The following C12orf42 variants were observed in gnomAD, a reference collection of about 807,000 sequenced individuals.
C12orf42 encodes the protein chromosome 12 open reading frame 42, also known as uncharacterized protein C12orf42.
C12orf42 carries 25 observed loss-of-function variants against 21.6 expected under a neutral mutation model. The ratio of observed to expected loss-of-function variants is 1.16; its 90% CI spans 0.84 to 1.62. The LOEUF (loss-of-function observed/expected upper bound fraction) is 1.62. Ranked by LOEUF, C12orf42 falls within the 40% of genes most tolerant of loss-of-function variation. C12orf42 has a pLI of 0.00. For synonymous variants in C12orf42, 174 were observed against 175.0 expected (o/e 0.99, Z 0.05); for missense variants, 483 against 459.3 (o/e 1.05, Z -0.47).
intron 10 of C12orf42, among the ~76,000 whole-genome samples, chr12:103,241,967 T>A (rs1052546541): frequency 6.6e-6 from 1 of 152,222 alleles, no homozygotes; most frequent in Non-Finnish European, 1.5e-5. Context: ...TGCCTATACA[T>A]TTATTTAATT....
intron 2 of C12orf42, among the ~76,000 whole-genome samples, chr12:103,442,007 G>T (rs138129077): frequency 1.3e-5 from 2 of 152,094 alleles, no homozygotes; most frequent in Non-Finnish European, 2.9e-5. Context: ...AGCTAGGCTT[G>T]GTGGTGTGCA....
At chr12:103,543,110 C>T in the C12orf42 span, among the ~76,000 whole-genome samples, 1 of 152,150 alleles carries the variant, frequency 6.6e-6, no homozygotes, top group Non-Finnish European at 1.5e-5. Context: ...TGACAAAGAA[C>T]TTTAACCTGG....
the C12orf42 span, among the ~76,000 whole-genome samples, chr12:103,055,324 C>T: frequency 2.0e-5 from 3 of 151,854 alleles, no homozygotes; most frequent in African/African-American, 7.2e-5. Flanking sequence ...TCCATTTCAT[C>T]TAAATTGTGA....
intron 5 of C12orf42, among the ~76,000 whole-genome samples, chr12:103,275,012 T>A (rs532468767): frequency 6.6e-6 from 1 of 152,210 alleles, no homozygotes; most frequent in Admixed American, 6.5e-5. Flanking sequence ...GAAAAAAAAA[T>A]CATGACTCTT....
the C12orf42 span, among the ~76,000 whole-genome samples, chr12:103,222,933 T>C: frequency 1.3e-5 from 2 of 151,638 alleles, no homozygotes; most frequent in Non-Finnish European, 2.9e-5. Flanking sequence ...CTCTCATCTT[T>C]TCCTCTACTT....
At chr12:103,427,211 C>T (rs1949893514) in intron 2 of C12orf42, among the ~76,000 whole-genome samples, 1 of 151,082 alleles carries the variant, frequency 6.6e-6, no homozygotes, top group Admixed American at 6.6e-5. Context: ...ATTCAGAAAC[C>T]CATCTCACAT....
the C12orf42 span, among the ~76,000 whole-genome samples, chr12:103,130,942 T>C: frequency 6.6e-6 from 1 of 152,232 alleles, no homozygotes; most frequent in African/African-American, 2.4e-5. Context: ...GGTCCACGTA[T>C]ACCCACACAA....
chr12:103,133,458 G>T, the C12orf42 span, among the ~76,000 whole-genome samples: 2 of 152,094 alleles, frequency 1.3e-5, no homozygotes, highest in Non-Finnish European at 1.5e-5. Context: ...CCAAGAACAG[G>T]CATGCTCATC....
chr12:103,058,969 C>G, the C12orf42 span, among the ~76,000 whole-genome samples: 13 of 152,132 alleles, frequency 8.5e-5, no homozygotes, highest in South Asian at 2.7e-3. Flanking sequence ...CAAGAAATAA[C>G]TAAGATCAGA....
intron 4 of C12orf42, among the ~76,000 whole-genome samples, chr12:103,358,622 A>C (rs1371887525): frequency 1.3e-5 from 2 of 151,922 alleles, no homozygotes; most frequent in African/African-American, 4.8e-5. Flanking sequence ...AAAAAAAAAA[A>C]CAAAAAAACT....
chr12:103,365,376 C>T (rs112997192), intron 4 of C12orf42, among the ~76,000 whole-genome samples: 2,179 of 151,972 alleles, frequency 0.014, 17 homozygotes, highest in Non-Finnish European at 0.022. Flanking sequence ...TACTACAGAA[C>T]GAGGAAAAGT....
the C12orf42 span, among the ~76,000 whole-genome samples, chr12:103,543,280 C>T: frequency 1.3e-5 from 2 of 152,148 alleles, no homozygotes; most frequent in African/African-American, 4.8e-5. Context: ...TATTAAGCAA[C>T]TCATGACTAT....
the C12orf42 span, among the ~76,000 whole-genome samples, chr12:103,231,121 T>C: frequency 3.3e-5 from 5 of 152,346 alleles, no homozygotes; most frequent in East Asian, 1.9e-4. Flanking sequence ...TTTGTTGTGG[T>C]CTGACATATA....
the C12orf42 span, among the ~76,000 whole-genome samples, chr12:103,120,117 C>T: frequency 1.3e-5 from 2 of 152,200 alleles, no homozygotes; most frequent in South Asian, 4.1e-4. Flanking sequence ...GGAGCACCTG[C>T]TATGTGGTGA....
At chr12:103,246,830 G>C (rs983684902) in intron 10 of C12orf42, among the ~76,000 whole-genome samples, 1 of 152,144 alleles carries the variant, frequency 6.6e-6, no homozygotes, top group African/African-American at 2.4e-5. Flanking sequence ...TCCCTACTCA[G>C]TGTGAGCCCA....
chr12:103,335,484 A>G (rs1457919545), intron 4 of C12orf42, among the ~76,000 whole-genome samples: 1 of 152,244 alleles, frequency 6.6e-6, no homozygotes, highest in Non-Finnish European at 1.5e-5. Context: ...TATTTAACAT[A>G]TATGGTGCAA....
chr12:103,079,182 G>T, the C12orf42 span, among the ~76,000 whole-genome samples: 4 of 152,058 alleles, frequency 2.6e-5, no homozygotes, highest in South Asian at 8.3e-4. Context: ...ATAGATTAAG[G>T]AGCCAATGGG....
At chr12:103,335,297 C>G (rs1311852516) in intron 4 of C12orf42, among the ~76,000 whole-genome samples, 1 of 152,150 alleles carries the variant, frequency 6.6e-6, no homozygotes, top group African/African-American at 2.4e-5. Flanking sequence ...CCCTTTTGGC[C>G]TCTTTAAATA....
At chr12:103,141,229 A>T in the C12orf42 span, among the ~76,000 whole-genome samples, 1 of 152,204 alleles carries the variant, frequency 6.6e-6, no homozygotes. Context: ...GGAGGTAACA[A>T]AGAATTAGAA....
Sources: allele counts gnomAD v4.1 joint callset (sites outside exome capture counted in the v4.1 genomes callset), GRCh38; gene constraint gnomAD v4.1.1; transcripts MANE v1.5; gene names NCBI Gene and HGNC (gene_info 2026-07-23, HGNC 2026-07-21).